Variants in SCARB1 observed in about 807,000 individuals in gnomAD.
SCARB1 encodes the protein CD36 and LIMPII analogous 1.
A neutral mutation model predicts 57.2 loss-of-function variants in SCARB1; 30 were observed. The ratio of observed to expected loss-of-function variants is 0.52; its 90% CI spans 0.39 to 0.71. The LOEUF is 0.71. Ranked by LOEUF, SCARB1 falls within the 30% of genes least tolerant of loss-of-function variation. The pLI is 0.00. For missense variants in SCARB1, 543 were observed against 671.2 expected, an observed-to-expected ratio of 0.81 and a Z score of 2.11; for synonymous variants, 249 against 268.3, an observed-to-expected ratio of 0.93 and a Z score of 0.70.
At chr12:124,836,642 A>G (rs1951659727) in intron 1 of SCARB1, among the ~76,000 whole-genome samples, 1 of 151,988 alleles carries the variant, frequency 6.6e-6, no homozygotes, top group African/African-American at 2.4e-5. Flanking sequence ...AAATGTTTAA[A>G]AATTTGCCAA....
At chr12:124,815,255 G>A (rs1458654445) in intron 2 of SCARB1, 141 bp from the exon 3 acceptor site, 17 of 966,646 alleles carry the variant, frequency 1.8e-5, no homozygotes, top group South Asian at 2.7e-5. Flanking sequence ...AGCTGAGCTC[G>A]GCCCCTTCGC....
intron 1 of SCARB1, among the ~76,000 whole-genome samples, chr12:124,860,098 GCAC>G (rs1952832104): frequency 6.6e-6 from 1 of 152,066 alleles, no homozygotes; most frequent in Non-Finnish European, 1.5e-5. Flanking sequence ...TTACAGGCGT[GCAC>G]CACCATGTCC....
chr12:124,837,087 G>A (rs1482323619), intron 1 of SCARB1, among the ~76,000 whole-genome samples: 2 of 152,084 alleles, frequency 1.3e-5, no homozygotes, highest in African/African-American at 2.4e-5. Context: ...CTCCTTCCCC[G>A]CCAAATCAGG....
At chr12:124,843,231 G>A (rs1951980000) in intron 1 of SCARB1, among the ~76,000 whole-genome samples, 1 of 148,170 alleles carries the variant, frequency 6.7e-6, no homozygotes, top group African/African-American at 2.5e-5. Flanking sequence ...GTGACCATCC[G>A]CAGCTGCTCT....
intron 1 of SCARB1, among the ~76,000 whole-genome samples, chr12:124,847,777 G>T (rs973399598): frequency 1.3e-5 from 2 of 152,214 alleles, no homozygotes; most frequent in African/African-American, 4.8e-5. Context: ...CACTGTGACT[G>T]CCAGGCTGGG....
intron 11 of SCARB1, chr12:124,784,152 C>T (rs1594178554): frequency 6.6e-6 from 1 of 152,450 alleles, no homozygotes; most frequent in Non-Finnish European, 1.5e-5. Context: ...GGCTGTGCGT[C>T]GTCACTTGTG....
In SCARB1 at chr12:124,817,538, A is replaced by G; in HGVS notation, c.284+12T>C. 1 of 1,613,230 alleles carries G rather than the reference A, an allele frequency of 6.2e-7. No individual in the cohort carries two copies. The highest frequency in any genetic ancestry group is 1.3e-5 in the African/African-American group (1 of 75,020). On this transcript the variant is annotated intron_variant, in intron 2 of 12. Transcript: ENST00000261693. This position sits in a 1 kb window ranked among gnomAD's most constrained non-coding sequence, Gnocchi z 4.8. ...AGCCGGCCCCTCCACCCTCACCTGG[A>G]CACAGCCTCACCTGTACACGTAGGG...
intron 1 of SCARB1, among the ~76,000 whole-genome samples, chr12:124,845,987 G>A (rs1476435580): frequency 6.6e-6 from 1 of 152,118 alleles, no homozygotes; most frequent in African/African-American, 2.4e-5. Context: ...ACTCCAGCCT[G>A]GGCGACAGAG....
intron 1 of SCARB1, among the ~76,000 whole-genome samples, chr12:124,832,576 C>T (rs535586476): frequency 2.8e-4 from 42 of 151,916 alleles, no homozygotes; most frequent in East Asian, 1.7e-3. Context: ...CAGGCTCTGT[C>T]GCGGCAATAC....
chr12:124,806,284 T>C (rs767891705), intron 7 of SCARB1, among the ~76,000 whole-genome samples: 26 of 152,048 alleles, frequency 1.7e-4, no homozygotes, highest in Non-Finnish European at 3.7e-4. Flanking sequence ...GTTGACGCAC[T>C]GGAAGAGCTG....
At chr12:124,836,997 G>T (rs1437560311) in intron 1 of SCARB1, among the ~76,000 whole-genome samples, 2 of 152,138 alleles carry the variant, frequency 1.3e-5, no homozygotes, top group African/African-American at 4.8e-5. Flanking sequence ...GGCAAGTAAG[G>T]AGCTCAGACC....
chr12:124,850,359 T>A (rs1364122566), intron 1 of SCARB1, among the ~76,000 whole-genome samples: 6 of 151,400 alleles, frequency 4.0e-5, no homozygotes, highest in Admixed American at 1.3e-4. Flanking sequence ...GGCGACAGAC[T>A]GAGACCATGT....
At chr12:124,786,540 C>T (rs757548550) in intron 10 of SCARB1, 37 bp from the exon 11 acceptor site, 8 of 1,612,172 alleles carry the variant, frequency 5.0e-6, no homozygotes, top group East Asian at 2.2e-5. Context: ...GAGCTGGGGC[C>T]GCAGGCTGCG....
chr12:124,808,039 C>G, intron 6 of SCARB1, 112 bp from the exon 7 acceptor site: 1 of 1,081,598 alleles, frequency 9.2e-7, no homozygotes, highest in Non-Finnish European at 1.4e-6. Context: ...CTACCACCTC[C>G]CGGGTCCAAA....
chr12:124,844,948 G>A lies in SCARB1; in HGVS notation c.126+18647C>T, dbSNP rs1952080659. 2.0e-5 allele frequency among the ~76,000 whole-genome samples: 3 copies of A among 151,668 alleles called. No homozygotes were observed. In the South Asian group the frequency reaches 6.2e-4, roughly 31 times the overall value. On this transcript the variant is annotated intron_variant, in intron 1 of 12. Transcript: ENST00000261693. ...ACCCACCAGAGACCAGAGACTCGAA[G>A]AGCCTGTCCATGGTCACACAGCAGC...
chr12:124,806,433 C>T (rs1950326805), intron 7 of SCARB1, among the ~76,000 whole-genome samples: 1 of 152,184 alleles, frequency 6.6e-6, no homozygotes, highest in Admixed American at 6.6e-5. Context: ...ATCACATCTG[C>T]CTAGCCACCC....
chr12:124,861,433 G>T (rs147845898), intron 1 of SCARB1, among the ~76,000 whole-genome samples: 1 of 151,842 alleles, frequency 6.6e-6, no homozygotes, highest in Non-Finnish European at 1.5e-5. Flanking sequence ...TGCAGACACA[G>T]AGGGCCAACT....
rs573630883 is a variant in SCARB1 at position 124,796,115 on chromosome 12, G to A, written c.1129-847C>T. The stretch of plus-strand genomic sequence containing the variant: ...ACTACAGGTGTGCGCCAGCACACTC[G>A]GCTAATTTTTGTATTTTTAGTAAAG... On this transcript the variant is annotated intron_variant, in intron 8 of 12. Transcript: ENST00000261693. This position sits in a 1 kb window ranked among gnomAD's most constrained non-coding sequence, Gnocchi z 4.0. 1.3e-5 allele frequency among the ~76,000 whole-genome samples: 2 copies of A among 152,124 alleles called. No individual in the cohort carries two copies. The highest frequency in any genetic ancestry group is 6.5e-5 in the Admixed American group (1 of 15,288).
At chr12:124,819,704 G>A (rs185994863) in intron 1 of SCARB1, among the ~76,000 whole-genome samples, 1 of 152,334 alleles carries the variant, frequency 6.6e-6, no homozygotes, top group Admixed American at 6.5e-5. Flanking sequence ...TTTTGAACAT[G>A]GCCTTCTAAG....
Sources: gnomAD v4.1 joint callset for allele counts (sites outside exome capture counted in the v4.1 genomes callset) on GRCh38, gnomAD v4.1.1 for gene constraint, Gnocchi (gnomAD v3.1) non-coding constraint, MANE v1.5 for transcripts, NCBI Gene and HGNC (gene_info 2026-07-23, HGNC 2026-07-21) for gene names.